Variants in FRMD5 observed in about 807,000 individuals in gnomAD.
FRMD5 encodes FERM domain-containing protein 5.
FRMD5 carries 20 observed loss-of-function variants against 69.0 expected under a neutral mutation model. The ratio of observed to expected loss-of-function variants is 0.29; its 90% CI spans 0.20 to 0.42. The LOEUF (loss-of-function observed/expected upper bound fraction) is 0.42, where lower values mean the gene tolerates loss of function less well. FRMD5 is among the 10% of genes least tolerant of loss of function. The pLI is 1.00. For synonymous variants in FRMD5, 271 were observed against 260.1 expected, an observed-to-expected ratio of 1.04 and a Z score of -0.40; for missense variants, 595 against 708.6, an observed-to-expected ratio of 0.84 and a Z score of 1.82.
intron 1 of FRMD5, among the ~76,000 whole-genome samples, chr15:44,129,687 C>CT (rs2077072133): frequency 6.6e-6 from 1 of 152,086 alleles, no homozygotes; most frequent in Admixed American, 6.6e-5. Context: ...GTAGGATAGG[C>CT]TTTTAGAGTG....
chr15:44,042,828 A>T (rs1055230141), intron 1 of FRMD5, among the ~76,000 whole-genome samples: 5 of 152,266 alleles, frequency 3.3e-5, no homozygotes, highest in Admixed American at 2.6e-4. Flanking sequence ...ATAATACTGC[A>T]TGGGCAAAAA....
chr15:44,045,959 T>G (rs572139210), intron 1 of FRMD5, among the ~76,000 whole-genome samples: 1 of 152,314 alleles, frequency 6.6e-6, no homozygotes, highest in South Asian at 2.1e-4. Context: ...TTCTGTTTCT[T>G]CTGACCTACA....
At chr15:43,968,148 T>C (rs1322197632) in intron 1 of FRMD5, among the ~76,000 whole-genome samples, 1 of 152,164 alleles carries the variant, frequency 6.6e-6, no homozygotes, top group African/African-American at 2.4e-5. Flanking sequence ...CACATACTTA[T>C]CATCCAGCTT....
At chr15:44,010,962 A>C (rs536067699) in intron 1 of FRMD5, among the ~76,000 whole-genome samples, 1 of 152,276 alleles carries the variant, frequency 6.6e-6, no homozygotes, top group South Asian at 2.1e-4. Context: ...ACAAGATGAG[A>C]AGAGTCCATG....
intron 1 of FRMD5, among the ~76,000 whole-genome samples, chr15:44,151,264 G>A (rs895074125): frequency 1.3e-5 from 2 of 151,814 alleles, no homozygotes; most frequent in African/African-American, 4.8e-5. Context: ...AAGCATGGTG[G>A]TGGGCGCCTG....
At chr15:44,000,735 C>T (rs141500197) in intron 1 of FRMD5, among the ~76,000 whole-genome samples, 4,085 of 152,306 alleles carry the variant, frequency 0.027, 97 homozygotes, top group Non-Finnish European at 0.039. Flanking sequence ...GCTGGGATTA[C>T]AGGTGTGATC....
chr15:44,140,724 CA>C (rs976205604), intron 1 of FRMD5, among the ~76,000 whole-genome samples: 3 of 150,678 alleles, frequency 2.0e-5, no homozygotes, highest in Admixed American at 6.6e-5. Flanking sequence ...ACAAAAAATA[CA>C]AAAAAAATTT....
chr15:44,107,104 G>A (rs1337662696), intron 1 of FRMD5, among the ~76,000 whole-genome samples: 2 of 152,172 alleles, frequency 1.3e-5, no homozygotes, highest in Non-Finnish European at 2.9e-5. Context: ...CAGCACAATG[G>A]TATTGTGGGT....
chr15:44,097,412 G>A (rs1387691051), intron 1 of FRMD5, among the ~76,000 whole-genome samples: 2 of 152,220 alleles, frequency 1.3e-5, no homozygotes, highest in South Asian at 2.1e-4. Context: ...GCTTATCTGG[G>A]TCAGACCTGA....
At chr15:44,191,099 C>T (rs2078184614) in intron 1 of FRMD5, among the ~76,000 whole-genome samples, 1 of 152,178 alleles carries the variant, frequency 6.6e-6, no homozygotes, top group Admixed American at 6.5e-5. Context: ...AACCTGGCTG[C>T]TTAATCCATT....
At chr15:44,062,902 TA>T (rs1049803318) in intron 1 of FRMD5, among the ~76,000 whole-genome samples, 5 of 152,060 alleles carry the variant, frequency 3.3e-5, no homozygotes, top group South Asian at 2.1e-4. Flanking sequence ...GTACCTTTGT[TA>T]AAAAAAATCA....
chr15:43,970,369 G>C (rs1464575293), intron 1 of FRMD5, among the ~76,000 whole-genome samples: 1 of 152,210 alleles, frequency 6.6e-6, no homozygotes, highest in Non-Finnish European at 1.5e-5. Flanking sequence ...TGAAAGCACT[G>C]CATCAAATGT....
At chr15:43,941,203 C>CA (rs1216321624) in intron 1 of FRMD5, among the ~76,000 whole-genome samples, 1 of 152,088 alleles carries the variant, frequency 6.6e-6, no homozygotes, top group Non-Finnish European at 1.5e-5. Flanking sequence ...CCCATCTCTA[C>CA]AAAAAATACA....
At chr15:43,918,222 G>A (rs2089428875) in intron 4 of FRMD5, among the ~76,000 whole-genome samples, 2 of 152,098 alleles carry the variant, frequency 1.3e-5, no homozygotes, top group Admixed American at 6.5e-5. Context: ...TCAGGAGTTC[G>A]AGACCAGCCT....
rs757446590 is a variant in FRMD5, at chr15:43,905,995, AAT to A, written c.428-46_428-45del. ...AAGAAAACAATTGTGGAGACAGGTA[AAT>A]CATCATTGACAAAGCAACAAGAGAT... On this transcript the variant is annotated intron_variant, in intron 5 of 13. Transcript: ENST00000417257. 12 of 1,613,036 alleles carry A rather than the reference AAT, an allele frequency of 7.4e-6. No individual in the cohort carries two copies. In the African/African-American group the frequency reaches 1.6e-4, roughly 22 times the overall value.
intron 1 of FRMD5, among the ~76,000 whole-genome samples, chr15:44,117,435 G>A (rs1010516895): frequency 6.6e-6 from 1 of 152,158 alleles, no homozygotes; most frequent in Admixed American, 6.5e-5. Flanking sequence ...TAAAGAGTTG[G>A]GGAGGACAAG....
chr15:44,142,586 T>C (rs1222679100), intron 1 of FRMD5, among the ~76,000 whole-genome samples: 1 of 152,182 alleles, frequency 6.6e-6, no homozygotes, highest in East Asian at 1.9e-4. Flanking sequence ...GTCCACAATA[T>C]GCAGGCCAGA....
At chr15:44,187,636 T>C (rs1197963625) in intron 1 of FRMD5, among the ~76,000 whole-genome samples, 2 of 151,568 alleles carry the variant, frequency 1.3e-5, no homozygotes, top group Non-Finnish European at 2.9e-5. Flanking sequence ...GGCACAATCA[T>C]AGCTCATTGT....
chr15:43,905,528 T>C (rs2089149751), intron 6 of FRMD5, among the ~76,000 whole-genome samples: 4 of 152,224 alleles, frequency 2.6e-5, no homozygotes, highest in South Asian at 2.1e-4. Context: ...TTAAATATCA[T>C]AGTGAGGCAG....
Sources: gnomAD v4.1 joint callset for allele counts (sites outside exome capture counted in the v4.1 genomes callset) on GRCh38, gnomAD v4.1.1 for gene constraint, MANE v1.5 for transcripts, NCBI Gene and HGNC (gene_info 2026-07-23, HGNC 2026-07-21) for gene names.